The following PVT1 variants were observed in gnomAD, a reference collection of about 807,000 sequenced individuals.
PVT1 encodes CXCR4/PVT1 fusion.
intron 2 of PVT1, among the ~76,000 whole-genome samples, chr8:127,830,968 A>G (rs1372183616): frequency 6.6e-6 from 1 of 152,066 alleles, no homozygotes; most frequent in Non-Finnish European, 1.5e-5. Context: ...TTGCCCCTCA[A>G]ACTTGCAGAC....
chr8:127,931,485 G>T (rs1816205807), intron 3 of PVT1, among the ~76,000 whole-genome samples: 1 of 152,222 alleles, frequency 6.6e-6, no homozygotes, highest in African/African-American at 2.4e-5. Flanking sequence ...ATTGTTCTGA[G>T]CACTGTGTGT....
chr8:127,872,767 A>G (rs1241327463), intron 2 of PVT1, among the ~76,000 whole-genome samples: 1 of 152,198 alleles, frequency 6.6e-6, no homozygotes, highest in East Asian at 1.9e-4. Flanking sequence ...CAGGTCTCAC[A>G]TGGGGGACAG....
At chr8:127,977,881 T>C (rs1253018413) in intron 3 of PVT1, among the ~76,000 whole-genome samples, 6 of 152,202 alleles carry the variant, frequency 3.9e-5, no homozygotes, top group African/African-American at 1.2e-4. Flanking sequence ...TGTCAACTGT[T>C]CATCTCCCCT....
intron 3 of PVT1, among the ~76,000 whole-genome samples, chr8:127,942,680 A>G (rs1197820359): frequency 6.6e-6 from 1 of 152,144 alleles, no homozygotes; most frequent in Non-Finnish European, 1.5e-5. Flanking sequence ...GCTGGGTTCA[A>G]TTCTGACTTG....
chr8:128,023,751 G>C (rs1292763122), intron 4 of PVT1, among the ~76,000 whole-genome samples: 1 of 152,206 alleles, frequency 6.6e-6, no homozygotes, highest in Non-Finnish European at 1.5e-5. Flanking sequence ...GAGACGTGAA[G>C]TAGCTAGGTT....
chr8:128,007,966 C>T (rs1474685393), intron 4 of PVT1, among the ~76,000 whole-genome samples: 1 of 152,178 alleles, frequency 6.6e-6, no homozygotes, highest in Non-Finnish European at 1.5e-5. Flanking sequence ...CTAGTTGACT[C>T]ATCTTACCTT....
At chr8:127,853,971 G>T (rs751437) in intron 2 of PVT1, among the ~76,000 whole-genome samples, 25,946 of 151,886 alleles carry the variant, frequency 0.17, 3,168 homozygotes, top group African/African-American at 0.35. Flanking sequence ...CTTTCTGTAC[G>T]GCGTTTTCTC....
chr8:127,839,407 G>A (rs975657933), intron 2 of PVT1, among the ~76,000 whole-genome samples: 8 of 151,732 alleles, frequency 5.3e-5, no homozygotes, highest in African/African-American at 1.2e-4. Flanking sequence ...AAAATTAGCC[G>A]GGCATGGTGG....
intron 5 of PVT1, among the ~76,000 whole-genome samples, chr8:128,074,361 AT>A (rs1814052801): frequency 1.0e-5 from 1 of 95,918 alleles, no homozygotes; most frequent in South Asian, 4.3e-4. Context: ...AAAAATAAAA[AT>A]AAAAAAAAAA....
rs140662935 is a variant in PVT1, at chr8:128,043,463, C to T, written n.913-26697C>T. ...TAAGAGAACAAAATCAGACTGGAAGCTGGGTCACAAGATGCTGTTGCCTAG... is the reference window on the plus strand; with the variant it reads ...TAAGAGAACAAAATCAGACTGGAAGTTGGGTCACAAGATGCTGTTGCCTAG... On this transcript the variant is annotated intron_variant and non_coding_transcript_variant, in intron 4 of 10. Coordinates refer to ENST00000651587, the Ensembl canonical transcript of PVT1. 5.3e-5 allele frequency among the ~76,000 whole-genome samples: 8 copies of T among 152,214 alleles called. No individual in the cohort carries two copies. In the East Asian group the frequency reaches 1.5e-3, roughly 29 times the overall value.
intron 2 of PVT1, among the ~76,000 whole-genome samples, chr8:127,854,009 C>G (rs560629017): frequency 5.3e-5 from 8 of 152,196 alleles, no homozygotes; most frequent in Admixed American, 2.0e-4. Context: ...CCCAGCCCCA[C>G]GTGCCAACTT....
rs1004215403 is a variant in PVT1, at chr8:127,807,091, C to T, written n.372+11020C>T. On this transcript the variant is annotated intron_variant and non_coding_transcript_variant, in intron 2 of 10. Coordinates refer to ENST00000651587, the Ensembl canonical transcript of PVT1. ...TGTGTGAGGTCACTTTAGAGACCAC[C>T]TTGCCAGCAGGTAGTGAAATTGGAA... Among the ~76,000 whole-genome samples, 8 of 152,166 alleles carry T rather than the reference C, an allele frequency of 5.3e-5. No homozygotes were observed. In the South Asian group the frequency reaches 6.2e-4, roughly 12 times the overall value.
rs566674001 is a variant in PVT1, at chr8:127,946,214, A to G, written n.783-42948A>G. Among the ~76,000 whole-genome samples the G allele has an allele frequency of 3.3e-5, 5 of 152,304 alleles. No homozygotes were observed. In the South Asian group the frequency reaches 8.3e-4, roughly 25 times the overall value. ...CTCCCAAGCTTGTTGGGTTATTATC[A>G]TGCACAAGCCATTCAATCGATTGTA... is the stretch of plus-strand genomic sequence containing the variant. On this transcript the variant is annotated intron_variant and non_coding_transcript_variant, in intron 3 of 10. Coordinates refer to ENST00000651587, the Ensembl canonical transcript of PVT1.
intron 4 of PVT1, among the ~76,000 whole-genome samples, chr8:128,024,129 A>G (rs1485576576): frequency 2.0e-5 from 3 of 152,208 alleles, no homozygotes; most frequent in Non-Finnish European, 4.4e-5. Flanking sequence ...TGCAGAGCCC[A>G]CAGCAGGCAT....
At chr8:127,858,199 G>A (rs552507659) in intron 2 of PVT1, among the ~76,000 whole-genome samples, 23 of 152,098 alleles carry the variant, frequency 1.5e-4, no homozygotes, top group East Asian at 5.8e-4. Flanking sequence ...AAGACCAGCC[G>A]GTCCAACATG....
At chr8:127,984,779 G>A (rs1451304865) in intron 3 of PVT1, among the ~76,000 whole-genome samples, 1 of 152,010 alleles carries the variant, frequency 6.6e-6, no homozygotes, top group South Asian at 2.1e-4. Flanking sequence ...GCTAATTTTT[G>A]TATTTTTAGT....
intron 2 of PVT1, among the ~76,000 whole-genome samples, chr8:127,864,699 C>A (rs561264138): frequency 3.2e-4 from 49 of 152,256 alleles, no homozygotes; most frequent in Admixed American, 2.3e-3. Context: ...AGGCGCCCAC[C>A]ACCACGCCCG....
chr8:127,961,092 T>G (rs1816637532), intron 3 of PVT1, among the ~76,000 whole-genome samples: 2 of 148,880 alleles, frequency 1.3e-5, no homozygotes, highest in African/African-American at 5.0e-5. Context: ...AAGGAAGGAG[T>G]TTGCCCAGAG....
At chr8:127,887,302 A>G (rs1815534335) in intron 2 of PVT1, among the ~76,000 whole-genome samples, 1 of 152,226 alleles carries the variant, frequency 6.6e-6, no homozygotes, top group South Asian at 2.1e-4. Context: ...GACCAAAAGC[A>G]GGAACTCACT....
Sources: allele counts gnomAD v4.1 joint callset (sites outside exome capture counted in the v4.1 genomes callset), GRCh38; gene constraint gnomAD v4.1.1; transcripts MANE v1.5; gene names NCBI Gene and HGNC (gene_info 2026-07-23, HGNC 2026-07-21).